The following RNF130 variants were observed in gnomAD, a reference collection of about 807,000 sequenced individuals.
RNF130 encodes E3 ubiquitin-protein ligase RNF130.
Under a neutral mutation model 44.6 loss-of-function variants are expected in RNF130, and 21 were observed. The ratio of observed to expected loss-of-function variants is 0.47; its 90% CI spans 0.33 to 0.68. RNF130 has a LOEUF of 0.68. Ranked by LOEUF, RNF130 falls within the 30% of genes least tolerant of loss-of-function variation. RNF130 has a pLI of 0.02. For synonymous variants in RNF130, 214 were observed against 210.4 expected (o/e 1.02, Z -0.15); for missense variants, 479 against 560.6 (o/e 0.85, Z 1.47).
chr5:180,001,577 G>A (rs1254344941), intron 3 of RNF130, among the ~76,000 whole-genome samples: 1 of 152,132 alleles, frequency 6.6e-6, no homozygotes, highest in Non-Finnish European at 1.5e-5. Flanking sequence ...TTGGGTCAAG[G>A]GTCTGGCTGC....
chr5:179,998,723 T>C (rs1763257805), intron 3 of RNF130, among the ~76,000 whole-genome samples: 1 of 151,890 alleles, frequency 6.6e-6, no homozygotes, highest in South Asian at 2.1e-4. Context: ...TACTTCCATT[T>C]GGTCTAAAGT....
intron 3 of RNF130, among the ~76,000 whole-genome samples, chr5:179,988,304 T>C (rs1561682105): frequency 1.3e-5 from 2 of 152,208 alleles, no homozygotes; most frequent in Admixed American, 6.5e-5. Context: ...TCACTTCTGA[T>C]TTTATTTGAG....
chr5:180,000,699 T>C (rs1196497377), intron 3 of RNF130, among the ~76,000 whole-genome samples: 1 of 152,234 alleles, frequency 6.6e-6, no homozygotes, highest in Non-Finnish European at 1.5e-5. Flanking sequence ...CTGTATGTTT[T>C]TTCATTCATT....
exon 8 of RNF130, chr5:179,911,935 T>A (rs1027944099): frequency 6.6e-6 from 1 of 152,206 alleles, no homozygotes; most frequent in Non-Finnish European, 1.5e-5. Flanking sequence ...CAGTTTTGCT[T>A]CTTGAATATT....
intron 7 of RNF130, among the ~76,000 whole-genome samples, chr5:179,928,503 CTT>C (rs1313420745): frequency 3.3e-5 from 5 of 152,066 alleles, no homozygotes; most frequent in East Asian, 1.9e-4. Flanking sequence ...TGAAATGTCT[CTT>C]TGTTTCTTTT....
chr5:179,967,592 T>C (rs1762479686), intron 6 of RNF130, among the ~76,000 whole-genome samples: 1 of 152,106 alleles, frequency 6.6e-6, no homozygotes, highest in Non-Finnish European at 1.5e-5. Context: ...ATAGAGCTGC[T>C]TGGGGCCAAA....
intron 3 of RNF130, among the ~76,000 whole-genome samples, chr5:179,990,377 T>G (rs1032086689): frequency 6.6e-5 from 10 of 152,328 alleles, no homozygotes; most frequent in African/African-American, 2.4e-4. Context: ...GATCAAAGAC[T>G]TTAACACTTT....
intron 1 of RNF130, among the ~76,000 whole-genome samples, chr5:180,041,537 A>C (rs919946883): frequency 1.3e-5 from 2 of 150,238 alleles, no homozygotes; most frequent in Non-Finnish European, 2.9e-5. Context: ...CTTAAGAAGA[A>C]GCCCCCGGCT....
At chr5:180,011,523 T>C (rs1373928565) in intron 3 of RNF130, among the ~76,000 whole-genome samples, 2 of 152,206 alleles carry the variant, frequency 1.3e-5, no homozygotes, top group East Asian at 3.8e-4. Flanking sequence ...CCTGACACTT[T>C]GGGAGGCCAA....
intron 5 of RNF130, 140 bp from the exon 6 acceptor site, chr5:179,970,646 G>C: frequency 1.6e-6 from 1 of 643,540 alleles, no homozygotes; most frequent in Non-Finnish European, 2.7e-6. Context: ...ACAAATATTG[G>C]GAATTTATTA....
chr5:180,018,120 C>T (rs1763780940), intron 2 of RNF130, among the ~76,000 whole-genome samples: 1 of 151,980 alleles, frequency 6.6e-6, no homozygotes, highest in African/African-American at 2.4e-5. Flanking sequence ...TATGGCGAAA[C>T]CCCATCTCTA....
chr5:180,060,072 C>T (rs1032345868), intron 1 of RNF130, among the ~76,000 whole-genome samples: 2 of 152,072 alleles, frequency 1.3e-5, no homozygotes, highest in African/African-American at 4.8e-5. Context: ...GGGGAAGGGG[C>T]CATGGGCCAG....
intron 3 of RNF130, among the ~76,000 whole-genome samples, chr5:179,985,153 CTTT>C (rs34998254): frequency 5.4e-5 from 5 of 91,960 alleles, no homozygotes; most frequent in Non-Finnish European, 7.8e-5. Flanking sequence ...TACCCCCTAA[CTTT>C]TTTTTTTTTT....
At position 180,057,426 on chromosome 5, in the gene RNF130, G is replaced by T. The variant is rs1301980120; in HGVS notation, c.247+14030C>A. On this transcript the variant is annotated intron_variant, in intron 1 of 8. Coordinates refer to ENST00000521389, the MANE Select transcript of RNF130 (RefSeq NM_018434.6). ...TATCCGGGCATGGTGGTGCATGCCT[G>T]TAATTCCAGCTACTAGGGAGGCTGA... 3.9e-5 allele frequency among the ~76,000 whole-genome samples: 6 copies of T among 152,312 alleles called. No homozygotes were observed. In the East Asian group the frequency reaches 1.2e-3, roughly 29 times the overall value.
At chr5:179,953,362 C>T (rs1211535722), downstream of RNF130, among the ~76,000 whole-genome samples, 3 of 151,432 alleles carry the variant, frequency 2.0e-5, no homozygotes, top group African/African-American at 7.3e-5. Flanking sequence ...GCAAGGGACC[C>T]TGAATAAAGA....
Position 180,013,046 on chromosome 5 carries a change from G to A in RNF130, c.693+15C>T, listed in dbSNP as rs766592475. On this transcript the variant is annotated intron_variant, in intron 3 of 8. Transcript: ENST00000521389. ...TGGCTGTTACGAACCAATCACTGTT[G>A]AGTACTGAGCTCACCTGGTTCCTGT... The A allele has an allele frequency of 3.1e-6, 5 of 1,608,410 alleles. No homozygotes were observed. The highest frequency in any genetic ancestry group is 3.3e-5 in the Admixed American group (2 of 59,796).
intron 2 of RNF130, among the ~76,000 whole-genome samples, chr5:180,031,508 G>C (rs1370012164): frequency 1.3e-5 from 2 of 152,114 alleles, no homozygotes; most frequent in Non-Finnish European, 2.9e-5. Flanking sequence ...GTTAAATTTG[G>C]GGGGAGGCAA....
chr5:179,968,554 T>C (rs955930019), intron 6 of RNF130, among the ~76,000 whole-genome samples: 8 of 148,928 alleles, frequency 5.4e-5, no homozygotes, highest in African/African-American at 2.0e-4. Context: ...TAATCCCAGC[T>C]ACAAGGGAGG....
intron 7 of RNF130, among the ~76,000 whole-genome samples, chr5:179,925,582 G>A (rs1761696449): frequency 6.6e-6 from 1 of 152,090 alleles, no homozygotes; most frequent in Admixed American, 6.6e-5. Context: ...GCTGGAGTGT[G>A]CAGTGGTGCG....
Sources: gnomAD v4.1 joint callset for allele counts (sites outside exome capture counted in the v4.1 genomes callset) on GRCh38, gnomAD v4.1.1 for gene constraint, MANE v1.5 for transcripts, NCBI Gene and HGNC (gene_info 2026-07-23, HGNC 2026-07-21) for gene names.